The following FRMPD4 variants were observed in gnomAD, a reference collection of about 807,000 sequenced individuals.
The protein encoded by FRMPD4 is FERM and PDZ domain containing 4.
FRMPD4 carries 22 observed loss-of-function variants against 94.1 expected under a neutral mutation model. The observed-to-expected ratio is 0.23, with a 90% CI of 0.17 to 0.33. The LOEUF (loss-of-function observed/expected upper bound fraction) is 0.33. Among genes scored for constraint, FRMPD4 ranks in the 10% least tolerant of loss-of-function variants. The pLI is 1.00. For synonymous variants in FRMPD4, 631 were observed against 548.6 expected (o/e 1.15, Z -2.10); for missense variants, 1,111 against 1,339.9 (o/e 0.83, Z 2.67).
rs1602373286 is a variant in FRMPD4 at position 12,717,694 on chromosome X, C to T, written c.2868C>T (p.Ser956=). Residue 956 remains serine (S), a synonymous_variant, in exon 16 of 17, where the codon TCC becomes TCT. Transcript: ENST00000675598. Reference sequence around the variant, plus strand: ...AAGAGCAGACCGAGTTCCCGGCCTCCAAGACCCCCGCTGGGGGCTTGCCTC... The same window carrying T: ...AAGAGCAGACCGAGTTCCCGGCCTCTAAGACCCCCGCTGGGGGCTTGCCTC... ...LAEEQTEFPA[S]KTPAGGLPPK... 39 of 1,211,555 alleles carry T rather than the reference C, an allele frequency of 3.2e-5. No homozygotes were observed. The highest frequency in any genetic ancestry group is 4.0e-5 in the Non-Finnish European group (36 of 894,964).
At chrX:12,207,262 G>T (rs1402041496) in intron 1 of FRMPD4, among the ~76,000 whole-genome samples, 3 of 111,342 alleles carry the variant, frequency 2.7e-5, no homozygotes, top group African/African-American at 9.8e-5. Context: ...TTTTTTTTAT[G>T]AATATTCTAT....
chrX:12,172,504 A>G (rs1272505105), intron 1 of FRMPD4, among the ~76,000 whole-genome samples: 1 of 111,829 alleles, frequency 8.9e-6, no homozygotes, highest in African/African-American at 3.3e-5. Flanking sequence ...ACCTTGCAGG[A>G]CTTGTTAAAA....
chrX:12,580,239 T>G (rs964887356), intron 2 of FRMPD4, among the ~76,000 whole-genome samples: 2 of 111,742 alleles, frequency 1.8e-5, no homozygotes, highest in Non-Finnish European at 3.8e-5. Flanking sequence ...AGAAAACCTA[T>G]AGTTTTTCTG....
At chrX:12,351,517 G>A (rs1473588054) in intron 1 of FRMPD4, among the ~76,000 whole-genome samples, 1 of 112,006 alleles carries the variant, frequency 8.9e-6, no homozygotes, top group Non-Finnish European at 1.9e-5. Context: ...TTTTATTAAG[G>A]TGTAACACAC....
intron 3 of FRMPD4, among the ~76,000 whole-genome samples, chrX:12,126,507 G>T (rs2055501484): frequency 9.0e-6 from 1 of 111,399 alleles, no homozygotes; most frequent in African/African-American, 3.3e-5. Context: ...GGTAGTGACT[G>T]CAGGAAGGGT....
intron 3 of FRMPD4, among the ~76,000 whole-genome samples, chrX:11,944,645 G>A (rs1234100586): frequency 2.7e-5 from 3 of 111,644 alleles, no homozygotes; most frequent in Non-Finnish European, 5.6e-5. Context: ...TCGGGAGGCT[G>A]CAGCTTCTCT....
At chrX:11,872,892 G>C (rs1396298233) in intron 2 of FRMPD4, among the ~76,000 whole-genome samples, 1 of 112,453 alleles carries the variant, frequency 8.9e-6, no homozygotes, top group East Asian at 2.8e-4. Context: ...ACAAGTGTCT[G>C]TGAGGATGTG....
chrX:11,909,849 T>G (rs938463821), intron 3 of FRMPD4, among the ~76,000 whole-genome samples: 1 of 111,249 alleles, frequency 9.0e-6, no homozygotes, highest in African/African-American at 3.3e-5. Context: ...TCCTAGTGTT[T>G]TTTTTTCTGT....
At chrX:12,141,214 T>C (rs1181505368) in intron 1 of FRMPD4, among the ~76,000 whole-genome samples, 1 of 112,093 alleles carries the variant, frequency 8.9e-6, no homozygotes, top group Non-Finnish European at 1.9e-5. Flanking sequence ...GAATGGATAA[T>C]CTTCCTAAAG....
intron 3 of FRMPD4, among the ~76,000 whole-genome samples, chrX:12,118,387 C>A (rs1209877471): frequency 8.9e-6 from 1 of 112,108 alleles, no homozygotes; most frequent in Admixed American, 9.5e-5. Context: ...TTTTTTTATA[C>A]CAAATTGCTA....
intron 1 of FRMPD4, among the ~76,000 whole-genome samples, chrX:12,301,215 G>A (rs945079985): frequency 1.2e-4 from 13 of 111,665 alleles, no homozygotes; most frequent in Non-Finnish European, 1.9e-4. Context: ...AGCTGGCATC[G>A]TAGCACCAGT....
chrX:12,027,362 C>T (rs1041361539), intron 3 of FRMPD4, among the ~76,000 whole-genome samples: 2 of 112,008 alleles, frequency 1.8e-5, no homozygotes, highest in African/African-American at 6.5e-5. Context: ...AGACAATCTT[C>T]AAATCTTGAA....
intron 3 of FRMPD4, among the ~76,000 whole-genome samples, chrX:11,941,619 T>C (rs944439478): frequency 7.1e-5 from 8 of 112,345 alleles, no homozygotes; most frequent in African/African-American, 2.6e-4. Flanking sequence ...ACTTAAAAGC[T>C]TAAAGAGAGC....
At chrX:12,056,064 T>G (rs1328688029) in intron 3 of FRMPD4, among the ~76,000 whole-genome samples, 3 of 112,054 alleles carry the variant, frequency 2.7e-5, no homozygotes, top group African/African-American at 9.7e-5. Flanking sequence ...TTACAAAGTT[T>G]GTATTTTTCA....
chrX:12,105,047 C>T (rs567470537), intron 3 of FRMPD4, among the ~76,000 whole-genome samples: 1 of 111,345 alleles, frequency 9.0e-6, no homozygotes, highest in Non-Finnish European at 1.9e-5. Context: ...CACTGAAGAC[C>T]GAGTTCAGTT....
chrX:12,657,917 A>G (rs1475546397), intron 4 of FRMPD4, among the ~76,000 whole-genome samples: 1 of 112,001 alleles, frequency 8.9e-6, no homozygotes, highest in Non-Finnish European at 1.9e-5. Flanking sequence ...CAACATCACT[A>G]GGTCTTTGCT....
At chrX:12,463,254 G>A (rs990817905) in intron 1 of FRMPD4, among the ~76,000 whole-genome samples, 1 of 111,221 alleles carries the variant, frequency 9.0e-6, no homozygotes, top group African/African-American at 3.3e-5. Context: ...GCCCCCCACT[G>A]TCACTGTTCA....
At chrX:12,276,965 C>CA (rs1295469033) in intron 1 of FRMPD4, among the ~76,000 whole-genome samples, 4 of 107,036 alleles carry the variant, frequency 3.7e-5, no homozygotes, top group South Asian at 8.6e-4. Flanking sequence ...ACTAAAAATA[C>CA]AAAAAATTAG....
At chrX:12,117,442 C>T (rs971748502) in intron 3 of FRMPD4, among the ~76,000 whole-genome samples, 1 of 110,602 alleles carries the variant, frequency 9.0e-6, no homozygotes, top group Non-Finnish European at 1.9e-5. Context: ...TCTTCTCTGC[C>T]GCCACCATTG....
Sources: allele counts gnomAD v4.1 joint callset (sites outside exome capture counted in the v4.1 genomes callset), GRCh38; gene constraint gnomAD v4.1.1; transcripts MANE v1.5; gene names NCBI Gene and HGNC (gene_info 2026-07-23, HGNC 2026-07-21).